Variants in RBMS3 observed in about 807,000 individuals in gnomAD.
RBMS3 encodes RNA-binding motif, single-stranded-interacting protein 3.
Under a neutral mutation model 66.8 loss-of-function variants are expected in RBMS3, and 27 were observed. The ratio of observed to expected loss-of-function variants is 0.40; its 90% CI spans 0.30 to 0.56. The LOEUF is 0.56. Among genes scored for constraint, RBMS3 ranks in the 20% least tolerant of loss-of-function variants. The pLI is 0.40. For missense variants in RBMS3, 513 were observed against 549.5 expected, an observed-to-expected ratio of 0.93 and a Z score of 0.66; for synonymous variants, 188 against 183.0, an observed-to-expected ratio of 1.03 and a Z score of -0.22.
chr3:29,595,952 GCAATGAGC>G (rs1455397270), intron 4 of RBMS3, among the ~76,000 whole-genome samples: 4 of 152,174 alleles, frequency 2.6e-5, no homozygotes, highest in Non-Finnish European at 4.4e-5. Context: ...AAGGGAGAGA[GCAATGAGC>G]CACGCTTGCT....
rs184047510 is a variant in RBMS3 at position 29,573,642 on chromosome 3, G to T, written c.308-13472G>T. Among the ~76,000 whole-genome samples, 89 of 151,844 alleles carry T rather than the reference G, an allele frequency of 5.9e-4. No homozygotes were observed. The Middle Eastern group carries it at 0.01, about 17-fold the overall frequency. On this transcript the variant is annotated intron_variant, in intron 3 of 14. Transcript: ENST00000383767. The stretch of plus-strand genomic sequence containing the variant: ...CATACTTGCATTTTTAGTTCTTTAA[G>T]ATGCATCCTTAGGTTCTTTATTTGA...
chr3:29,440,671 C>T (rs187722185), intron 2 of RBMS3, among the ~76,000 whole-genome samples: 2 of 152,282 alleles, frequency 1.3e-5, no homozygotes, highest in African/African-American at 2.4e-5. Context: ...GAAGTGTTTG[C>T]GCTGGAGAGC....
chr3:29,497,018 C>CT (rs199605144), intron 3 of RBMS3, among the ~76,000 whole-genome samples: 10,478 of 147,814 alleles, frequency 0.071, 403 homozygotes, highest in Middle Eastern at 0.15. Context: ...ATTGGGAAAA[C>CT]TTTTTTTTTT....
At chr3:29,464,272 G>C (rs1296414818) in intron 2 of RBMS3, among the ~76,000 whole-genome samples, 1 of 152,164 alleles carries the variant, frequency 6.6e-6, no homozygotes, top group Non-Finnish European at 1.5e-5. Flanking sequence ...TCATGGTCTT[G>C]AGAAATGATA....
At chr3:29,314,171 T>C (rs946933097) in intron 1 of RBMS3, among the ~76,000 whole-genome samples, 10 of 151,756 alleles carry the variant, frequency 6.6e-5, no homozygotes, top group African/African-American at 2.2e-4. Flanking sequence ...TCAGTCTTCA[T>C]AGCAACCTTG....
At chr3:29,945,080 T>G (rs1307730741) in intron 12 of RBMS3, among the ~76,000 whole-genome samples, 1 of 151,734 alleles carries the variant, frequency 6.6e-6, no homozygotes, top group Non-Finnish European at 1.5e-5. Flanking sequence ...TTTAATTAAA[T>G]AAAATACTGG....
chr3:29,991,110 C>T lies in RBMS3; in HGVS notation c.1208C>T (p.Thr403Ile), dbSNP rs143165101. The stretch of plus-strand genomic sequence containing the variant: ...GTTGTTGCTGATACCTCTCCCCAGA[C>T]AGTGGCACCTTCATCCCAGGACACC... The part of the protein sequence containing the change: ...EGVVADTSPQ[T>I]VAPSSQDTSG... Residue 403 changes from threonine (T) to isoleucine (I), a missense_variant, in exon 14 of 15, where the codon ACA (threonine) becomes ATA (isoleucine). Physicochemically the swap from Thr to Ile is moderately conservative, Grantham distance 89. Transcript: ENST00000383767. 4.9e-5 allele frequency: 79 copies of T among 1,614,138 alleles called. No homozygotes were observed. In the African/African-American group the frequency reaches 9.2e-4, roughly 19 times the overall value.
At chr3:29,825,665 G>A (rs1395947368) in intron 6 of RBMS3, among the ~76,000 whole-genome samples, 1 of 152,132 alleles carries the variant, frequency 6.6e-6, no homozygotes, top group South Asian at 2.1e-4. Flanking sequence ...GTGGAACTGT[G>A]AGTCAATTAA....
chr3:29,660,946 T>G (rs550939812), intron 4 of RBMS3, among the ~76,000 whole-genome samples: 10 of 152,314 alleles, frequency 6.6e-5, no homozygotes, highest in Admixed American at 3.9e-4. Context: ...TCTGCACTTT[T>G]GTAATCAGAA....
intron 1 of RBMS3, among the ~76,000 whole-genome samples, chr3:29,370,450 AG>A (rs2038141509): frequency 5.3e-5 from 8 of 152,112 alleles, no homozygotes; most frequent in Admixed American, 4.6e-4. Context: ...TCTATATTTT[AG>A]TTCTTTTTAG....
At chr3:29,450,214 C>T (rs987836082) in intron 2 of RBMS3, among the ~76,000 whole-genome samples, 1 of 152,094 alleles carries the variant, frequency 6.6e-6, no homozygotes, top group Non-Finnish European at 1.5e-5. Context: ...GAAAGACATC[C>T]ATTGGGTCAG....
rs1699641157 is a variant in RBMS3, at chr3:30,002,149, G to T, written c.1308-1707G>T. Among the ~76,000 whole-genome samples the T allele has an allele frequency of 2.6e-5, 4 of 152,000 alleles. No homozygotes were observed. In the South Asian group the frequency reaches 8.3e-4, roughly 31 times the overall value. ...GGGCTATTGGAAACATTTGTGTACA[G>T]TTATAAAACCTAAAGTAGTTCCAGC... On this transcript the variant is annotated intron_variant, in intron 14 of 14. Transcript: ENST00000383767.
chr3:29,465,470 T>C (rs1201135883), intron 2 of RBMS3, among the ~76,000 whole-genome samples: 2 of 152,022 alleles, frequency 1.3e-5, no homozygotes, highest in East Asian at 3.9e-4. Context: ...CTCTGGCCTA[T>C]TGGACGGTCT....
At chr3:29,712,084 T>A (rs2053194508) in intron 4 of RBMS3, among the ~76,000 whole-genome samples, 1 of 152,116 alleles carries the variant, frequency 6.6e-6, no homozygotes, top group African/African-American at 2.4e-5. Flanking sequence ...AATCAGACAT[T>A]TCTCCCTAAG....
intron 2 of RBMS3, 142 bp downstream of exon 2, chr3:29,435,057 G>T: frequency 2.3e-6 from 2 of 877,290 alleles, no homozygotes; most frequent in South Asian, 2.2e-5. Flanking sequence ...TTAAATTTGA[G>T]ATTCAATGCT....
intron 4 of RBMS3, among the ~76,000 whole-genome samples, chr3:29,706,979 A>C (rs545740318): frequency 6.6e-6 from 1 of 152,122 alleles, no homozygotes; most frequent in Non-Finnish European, 1.5e-5. Context: ...AGAGATCACT[A>C]TTGCCCCCTT....
intron 1 of RBMS3, among the ~76,000 whole-genome samples, chr3:29,308,326 A>G (rs1200675331): frequency 6.6e-6 from 1 of 151,842 alleles, no homozygotes; most frequent in Admixed American, 6.6e-5. Context: ...CCTGCCATAT[A>G]TCAGGCACTC....
At chr3:29,355,986 A>T (rs1226402639) in intron 1 of RBMS3, among the ~76,000 whole-genome samples, 1 of 152,120 alleles carries the variant, frequency 6.6e-6, no homozygotes, top group Non-Finnish European at 1.5e-5. Context: ...TATCTATCGC[A>T]ATAACTTAAT....
At chr3:29,983,296 A>T (rs1698133692) in intron 12 of RBMS3, among the ~76,000 whole-genome samples, 1 of 136,450 alleles carries the variant, frequency 7.3e-6, no homozygotes. Flanking sequence ...CTTTATTTTG[A>T]GCCTATGTGT....
Sources: allele counts gnomAD v4.1 joint callset (sites outside exome capture counted in the v4.1 genomes callset), GRCh38; gene constraint gnomAD v4.1.1; transcripts MANE v1.5; gene names NCBI Gene and HGNC (gene_info 2026-07-23, HGNC 2026-07-21).